The following CACNA1E variants were observed in gnomAD, a reference collection of about 807,000 sequenced individuals.
The protein encoded by CACNA1E is voltage-dependent R-type calcium channel subunit alpha-1E.
A neutral mutation model predicts 259.2 loss-of-function variants in CACNA1E; 40 were observed. That is an observed-to-expected ratio of 0.15 (90% CI 0.12 to 0.20). The LOEUF is 0.20. Among genes scored for constraint, CACNA1E ranks in the 10% least tolerant of loss-of-function variants. CACNA1E has a pLI of 1.00. For missense variants in CACNA1E, 1,874 were observed against 3,040.1 expected, an observed-to-expected ratio of 0.62 and a Z score of 9.02; for synonymous variants, 1,104 against 1,138.5, an observed-to-expected ratio of 0.97 and a Z score of 0.61.
rs1660627756 is a variant in CACNA1E at position 181,783,784 on chromosome 1, G to A, written c.5470G>A (p.Gly1824Ser). The A allele has an allele frequency of 2.0e-6, 3 of 1,480,912 alleles. No homozygotes were observed. The South Asian group carries it at 3.5e-5, about 17-fold the overall frequency. The allele number at this position is 1,480,912 out of a possible 1,614,324, so 91.7% of individuals were successfully genotyped here. ...AGCTCTGGACATTAAAATTGCCAAA[G>A]GTAAGCTTAGCTTAGGAAGGGAGGT... ...RTALDIKIAK[G>S]GADRQQLDSE... The change falls in exon 40 of 48, where the codon GGT becomes AGT. Residue 1824 changes from glycine to serine, a missense_variant and splice_region_variant. Physicochemically the swap from Gly to Ser is moderately conservative, Grantham distance 56. Around this residue, in one of 14 missense-constraint regions of CACNA1E, gnomAD observed 147 missense variants for 337.1 expected, o/e 0.44. Coordinates refer to ENST00000367573, the MANE Select transcript of CACNA1E (RefSeq NM_001205293.3).
intron 6 of CACNA1E, among the ~76,000 whole-genome samples, chr1:181,586,954 G>C (rs1187036782): frequency 6.6e-6 from 1 of 152,168 alleles, no homozygotes; most frequent in Non-Finnish European, 1.5e-5. Context: ...TGTTGATGAA[G>C]GAGAGGGAGG....
rs1057004621 is a variant in CACNA1E, at chr1:181,663,995, G to A, written c.1055+12554G>A. Reference sequence around the variant, plus strand: ...CTATAGGCAATTGTGGGCAAATAAGGCTGTTGGAAGCAGAAAAAGACAAAA... The same window carrying A: ...CTATAGGCAATTGTGGGCAAATAAGACTGTTGGAAGCAGAAAAAGACAAAA... On this transcript the variant is annotated intron_variant, in intron 7 of 47. Transcript: ENST00000367573. 3.3e-5 allele frequency among the ~76,000 whole-genome samples: 5 copies of A among 152,296 alleles called. No individual in the cohort carries two copies. The South Asian group carries it at 1.0e-3, about 32-fold the overall frequency.
At chr1:181,570,567 C>G (rs1650308777) in intron 3 of CACNA1E, among the ~76,000 whole-genome samples, 1 of 152,212 alleles carries the variant, frequency 6.6e-6, no homozygotes, top group Non-Finnish European at 1.5e-5. Flanking sequence ...AGGCTAAAAT[C>G]CAGGGTTGTG....
At chr1:181,568,362 A>C (rs1183574170) in intron 3 of CACNA1E, among the ~76,000 whole-genome samples, 1 of 152,200 alleles carries the variant, frequency 6.6e-6, no homozygotes, top group Non-Finnish European at 1.5e-5. Context: ...ACCAAGGTAA[A>C]CACCCAGTTA....
intron 1 of CACNA1E, among the ~76,000 whole-genome samples, chr1:181,486,913 G>A (rs1663870493): frequency 6.6e-6 from 1 of 152,114 alleles, no homozygotes; most frequent in Admixed American, 6.5e-5. Context: ...AGAATCCTGG[G>A]CCCCACTTCA....
At chr1:181,475,118 C>T (rs1052802600) in intron 2 of CACNA1E, among the ~76,000 whole-genome samples, 4 of 152,172 alleles carry the variant, frequency 2.6e-5, no homozygotes, top group Admixed American at 2.6e-4. Flanking sequence ...TGATTGATGC[C>T]CAAGCTCTTT....
chr1:181,447,339 A>C (rs754805153), intron 2 of CACNA1E, among the ~76,000 whole-genome samples: 1 of 151,850 alleles, frequency 6.6e-6, no homozygotes, highest in Admixed American at 6.6e-5. Flanking sequence ...CCAGCTGGGC[A>C]ACATAGCAAG....
In CACNA1E at chr1:181,758,074, C is replaced by T. The variant is rs759534975; in HGVS notation, c.4457C>T (p.Ala1486Val). 1.2e-6 allele frequency: 2 copies of T among 1,613,906 alleles called. No homozygotes were observed. Among genetic ancestry groups the T allele is most frequent in the Non-Finnish European group, 1.7e-6 (2 of 1,179,856 alleles). ...CCGTCCTTTGAGTACACCATTATGG[C>T]CATGATCGCCTTGAATACTGTTGTG... Reference protein sequence around the residue: ...VSPSFEYTIMAMIALNTVVLM... With the variant: ...VSPSFEYTIMVMIALNTVVLM... The change falls in exon 31 of 48, where the codon GCC (alanine) becomes GTC (valine). Residue 1486 changes from alanine to valine, a missense_variant. Coordinates refer to ENST00000367573, the MANE Select transcript of CACNA1E (RefSeq NM_001205293.3). The surrounding 1 kb of genome is among the most constrained non-coding windows in gnomAD (Gnocchi z 4.2).
intron 7 of CACNA1E, among the ~76,000 whole-genome samples, chr1:181,654,864 G>A (rs1257709016): frequency 6.6e-6 from 1 of 151,692 alleles, no homozygotes; most frequent in Non-Finnish European, 1.5e-5. Context: ...GGCGCCTGTA[G>A]TCCCAGCTAC....
rs956754914 is a variant in CACNA1E, at chr1:181,755,287, C to T, written c.3879C>T (p.Leu1293=). Residue 1293 remains leucine (L), a synonymous_variant, in exon 28 of 48, where the codon CTC becomes CTT. Coordinates refer to ENST00000367573, the MANE Select transcript of CACNA1E (RefSeq NM_001205293.3). ...CCTTGAAGAATGTCTTCAACATACT[C>T]ATTGTGTACAAGCTCTTCATGTTCA... ...VTSLKNVFNI[L]IVYKLFMFIF... The T allele has an allele frequency of 1.2e-6, 2 of 1,613,726 alleles. No individual in the cohort carries two copies. Among genetic ancestry groups the T allele is most frequent in the Admixed American group, 1.7e-5 (1 of 60,028 alleles).
chr1:181,718,920 C>T (rs989444986), intron 12 of CACNA1E, among the ~76,000 whole-genome samples: 1 of 152,192 alleles, frequency 6.6e-6, no homozygotes, highest in Non-Finnish European at 1.5e-5. Context: ...AGAACTGGGT[C>T]GCAGAACTTT....
chr1:181,798,913 G>A lies in CACNA1E; in HGVS notation c.*79G>A, dbSNP rs530077741. The stretch of plus-strand genomic sequence containing the variant: ...CAGAATTGGGAAGCCAGTGCGGCCC[G>A]GGGGGGAGGAAGAGGGAAAAGGAAG... On this transcript the variant is annotated 3_prime_UTR_variant, in exon 48 of 48. Transcript: ENST00000367573. This position sits in a 1 kb window ranked among gnomAD's most constrained non-coding sequence, Gnocchi z 4.2. The A allele has an allele frequency of 7.1e-6, 9 of 1,274,776 alleles. No individual in the cohort carries two copies. Among genetic ancestry groups the A allele is most frequent in the African/African-American group, 4.5e-5 (3 of 67,212 alleles). The allele number at this position is 1,274,776 out of a possible 1,614,324, so 79.0% of individuals were successfully genotyped here. A position where few individuals can be genotyped will look rare whatever the true frequency, so the allele number is the denominator to read the frequency against.
At chr1:181,782,285 C>G (rs1208934846) in intron 39 of CACNA1E, among the ~76,000 whole-genome samples, 1 of 152,212 alleles carries the variant, frequency 6.6e-6, no homozygotes, top group Non-Finnish European at 1.5e-5. Context: ...GGTGGATTCC[C>G]CTATGGCTTG....
intron 7 of CACNA1E, among the ~76,000 whole-genome samples, chr1:181,685,354 T>G (rs1650429847): frequency 6.6e-6 from 1 of 151,952 alleles, no homozygotes; most frequent in Non-Finnish European, 1.5e-5. Context: ...TCAAGTATTA[T>G]GTTATGAATG....
chr1:181,754,900 A>G (rs114809406), intron 27 of CACNA1E, among the ~76,000 whole-genome samples: 124 of 152,358 alleles, frequency 8.1e-4, no homozygotes, highest in African/African-American at 2.8e-3. Context: ...CCTTCCAGCT[A>G]TACACTTCTA....
chr1:181,357,264 C>T (rs1261686436), intron 1 of CACNA1E, among the ~76,000 whole-genome samples: 1 of 152,208 alleles, frequency 6.6e-6, no homozygotes, highest in Non-Finnish European at 1.5e-5. Flanking sequence ...GGCTCCCACT[C>T]CTGTTCTCAG....
intron 1 of CACNA1E, among the ~76,000 whole-genome samples, chr1:181,500,991 G>C (rs532306752): frequency 3.3e-4 from 51 of 152,316 alleles, no homozygotes; most frequent in African/African-American, 1.2e-3. Flanking sequence ...GCACGTTGCT[G>C]CCAGAACTCT....
intron 1 of CACNA1E, among the ~76,000 whole-genome samples, chr1:181,356,379 G>A (rs1653438850): frequency 6.6e-6 from 1 of 152,058 alleles, no homozygotes; most frequent in Non-Finnish European, 1.5e-5. Context: ...TTGATTGTGA[G>A]ATTCTAGAAG....
At chr1:181,598,456 A>G (rs76237040) in intron 6 of CACNA1E, among the ~76,000 whole-genome samples, 4,447 of 152,212 alleles carry the variant, frequency 0.029, 99 homozygotes, top group Non-Finnish European at 0.048. Context: ...GGAGATCAGG[A>G]CCTGGGCAGA....
Sources: allele counts gnomAD v4.1 joint callset (sites outside exome capture counted in the v4.1 genomes callset), GRCh38; gene constraint gnomAD v4.1.1; regional missense constraint gnomAD v4.1.1; non-coding constraint Gnocchi (gnomAD v3.1); transcripts MANE v1.5; gene names NCBI Gene and HGNC (gene_info 2026-07-23, HGNC 2026-07-21).